The following PLA2R1 variants were observed in gnomAD, a reference collection of about 807,000 sequenced individuals.
The protein encoded by PLA2R1 is secretory phospholipase A2 receptor.
PLA2R1 carries 158 observed loss-of-function variants against 195.9 expected under a neutral mutation model. The observed-to-expected ratio is 0.81, with a 90% CI of 0.71 to 0.92. PLA2R1 has a LOEUF of 0.92. PLA2R1 is among the 40% of genes least tolerant of loss of function. The pLI, the probability that PLA2R1 is intolerant of heterozygous loss-of-function variation, is 0.00. For synonymous variants in PLA2R1, 586 were observed against 598.2 expected, an observed-to-expected ratio of 0.98 and a Z score of 0.30; for missense variants, 1,626 against 1,764.6, an observed-to-expected ratio of 0.92 and a Z score of 1.41.
chr2:159,983,822 C>T, intron 13 of PLA2R1, 106 bp downstream of exon 13: 5 of 576,822 alleles, frequency 8.7e-6, no homozygotes, highest in Non-Finnish European at 1.5e-5. Flanking sequence ...GGGCATAATA[C>T]AAATATGGGA....
At chr2:159,962,506 C>T (rs1688514771) in intron 20 of PLA2R1, among the ~76,000 whole-genome samples, 1 of 152,162 alleles carries the variant, frequency 6.6e-6, no homozygotes, top group African/African-American at 2.4e-5. Context: ...ACTAGAAATA[C>T]CATTTGACCC....
chr2:160,001,834 A>T (rs1398693462), intron 11 of PLA2R1, among the ~76,000 whole-genome samples: 1 of 151,872 alleles, frequency 6.6e-6, no homozygotes, highest in Non-Finnish European at 1.5e-5. Context: ...CGACAGAACT[A>T]CAGGGAGAAG....
chr2:160,020,224 T>C lies in PLA2R1; in HGVS notation c.1334A>G (p.Lys445Arg), dbSNP rs1199408476. Reference sequence around the variant, plus strand: ...AGACCATTCAAAGGAAACTGGAATTTTATTGCTGCTCAAACCAATCCATGT... The same window carrying C: ...AGACCATTCAAAGGAAACTGGAATTCTATTGCTGCTCAAACCAATCCATGT... ...SETWIGLSSN[K>R]IPVSFEWSND... Residue 445 changes from lysine (K) to arginine (R), a missense_variant, in exon 8 of 30, where the codon AAA becomes AGA. Lys to Arg is a conservative substitution (Grantham distance 26, BLOSUM62 2). Coordinates refer to ENST00000283243, the MANE Select transcript of PLA2R1 (RefSeq NM_007366.5). The C allele has an allele frequency of 6.2e-7, 1 of 1,611,698 alleles. No individual in the cohort carries two copies. Among genetic ancestry groups the C allele is most frequent in the East Asian group, 2.2e-5 (1 of 44,874 alleles).
At chr2:160,045,791 G>A (rs1324441777) in intron 1 of PLA2R1, among the ~76,000 whole-genome samples, 1 of 152,188 alleles carries the variant, frequency 6.6e-6, no homozygotes, top group East Asian at 1.9e-4. Context: ...GGCTTGCTGG[G>A]TGGGGCAGGC....
chr2:159,985,927 A>G (rs1288099144), intron 12 of PLA2R1, among the ~76,000 whole-genome samples: 1 of 152,042 alleles, frequency 6.6e-6, no homozygotes, highest in Non-Finnish European at 1.5e-5. Flanking sequence ...TATCCCTCCT[A>G]GAATAGGATG....
At chr2:160,042,869 G>C (rs1237874553) in intron 2 of PLA2R1, among the ~76,000 whole-genome samples, 2 of 151,366 alleles carry the variant, frequency 1.3e-5, no homozygotes, top group Non-Finnish European at 2.9e-5. Context: ...GAGAGAGAGA[G>C]AGAGAGAGAA....
At chr2:160,001,546 T>C (rs145491635) in intron 11 of PLA2R1, among the ~76,000 whole-genome samples, 9 of 152,144 alleles carry the variant, frequency 5.9e-5, no homozygotes, top group African/African-American at 1.9e-4. Flanking sequence ...AAAATTTAGT[T>C]ATATGCTGTT....
chr2:159,968,234 T>C (rs77736517), intron 19 of PLA2R1, among the ~76,000 whole-genome samples: 1 of 137,708 alleles, frequency 7.3e-6, no homozygotes, highest in Non-Finnish European at 1.6e-5. Flanking sequence ...ACTAACTGCT[T>C]TTTTTTTTTT....
Position 159,934,927 on chromosome 2 carries a change from C to G in PLA2R1, c.*6851G>C, listed in dbSNP as rs1686753292. Reference sequence around the variant, plus strand: ...TGATCCATTTGAGGATTTCAACTTGCACGTAGTTGTCATGTCTCTTTAGTG... The same window carrying G: ...TGATCCATTTGAGGATTTCAACTTGGACGTAGTTGTCATGTCTCTTTAGTG... On this transcript the variant is annotated 3_prime_UTR_variant, in exon 30 of 30. Coordinates refer to ENST00000283243, the MANE Select transcript of PLA2R1 (RefSeq NM_007366.5). 1.3e-5 allele frequency: 2 copies of G among 152,214 alleles called. No individual in the cohort carries two copies. Among genetic ancestry groups the G allele is most frequent in the African/African-American group, 4.8e-5 (2 of 41,454 alleles). The allele number at this position is 152,214 out of a possible 1,614,324, so 9.4% of individuals were successfully genotyped here. A position where few individuals can be genotyped will look rare whatever the true frequency, so the allele number is the denominator to read the frequency against.
At chr2:159,991,941 T>C (rs1192396683) in intron 11 of PLA2R1, among the ~76,000 whole-genome samples, 2 of 115,830 alleles carry the variant, frequency 1.7e-5, no homozygotes, top group African/African-American at 3.3e-5. Context: ...CATGTGTCTT[T>C]ATAGCAGCAT....
chr2:159,955,702 AT>A lies in PLA2R1; in HGVS notation c.3148del (p.Ile1050Ter). 7.0e-7 allele frequency: 1 copy of A among 1,432,488 alleles called. No homozygotes were observed. The highest frequency in any genetic ancestry group is 1.6e-5 in the South Asian group (1 of 61,496). 88.7% of individuals were successfully genotyped at this position (1,432,488 alleles called of 1,614,324 possible). On this transcript the variant is annotated frameshift_variant, in exon 22 of 30. Coordinates refer to ENST00000283243, the MANE Select transcript of PLA2R1 (RefSeq NM_007366.5). LOFTEE classifies it high-confidence loss of function. The part of the protein sequence containing the change: ...VYSNWSPFDI[I>X]NIPSHNTTEV... ...AAAATAAATCTTAAAACTTACATTT[AT>A]TATATCAAATGGAGACCAGTTAGAA...
chr2:159,966,059 GA>G (rs1460132635), intron 20 of PLA2R1, among the ~76,000 whole-genome samples: 1 of 152,172 alleles, frequency 6.6e-6, no homozygotes, highest in Admixed American at 6.5e-5. Context: ...TATGTAAAAT[GA>G]GGATAGTAAT....
At chr2:160,027,428 A>G (rs978840845) in intron 6 of PLA2R1, among the ~76,000 whole-genome samples, 1 of 152,218 alleles carries the variant, frequency 6.6e-6, no homozygotes, top group African/African-American at 2.4e-5. Flanking sequence ...CTCTACATAA[A>G]AAAATGACAA....
intron 23 of PLA2R1, among the ~76,000 whole-genome samples, chr2:159,954,262 C>T (rs1171141367): frequency 1.3e-5 from 2 of 151,884 alleles, no homozygotes; most frequent in Non-Finnish European, 2.9e-5. Flanking sequence ...GTCAGGTACT[C>T]ATAAGTGTGT....
At chr2:160,051,447 A>C (rs1393479921) in intron 1 of PLA2R1, among the ~76,000 whole-genome samples, 1 of 152,210 alleles carries the variant, frequency 6.6e-6, no homozygotes, top group Non-Finnish European at 1.5e-5. Flanking sequence ...CTGTTCTGAC[A>C]TTATTAGGTT....
chr2:159,946,127 G>T, intron 27 of PLA2R1: 1 of 785,290 alleles, frequency 1.3e-6, no homozygotes, highest in Non-Finnish European at 1.5e-6. Flanking sequence ...TGTATTGTCT[G>T]AAAATAATTT....
intron 17 of PLA2R1, among the ~76,000 whole-genome samples, chr2:159,975,531 C>CTGTT (rs1553841865): frequency 6.6e-6 from 1 of 151,544 alleles, no homozygotes; most frequent in Admixed American, 6.6e-5. Context: ...AAATAATGTA[C>CTGTT]TCTTGTAAGA....
At chr2:160,041,193 C>T (rs1573957118) in intron 3 of PLA2R1, among the ~76,000 whole-genome samples, 1 of 152,124 alleles carries the variant, frequency 6.6e-6, no homozygotes, top group Non-Finnish European at 1.5e-5. Context: ...CTTGCTTTTG[C>T]TTCAAATTTA....
At chr2:159,997,186 C>T (rs77439671) in intron 11 of PLA2R1, among the ~76,000 whole-genome samples, 5,640 of 152,166 alleles carry the variant, frequency 0.037, 372 homozygotes, top group African/African-American at 0.13. Context: ...GGAGGGGAAG[C>T]GTTCTACAAT....
Sources: allele counts gnomAD v4.1 joint callset (sites outside exome capture counted in the v4.1 genomes callset), GRCh38; gene constraint gnomAD v4.1.1; transcripts MANE v1.5; gene names NCBI Gene and HGNC (gene_info 2026-07-23, HGNC 2026-07-21).